CMSS1: variants seen among roughly 807,000 people sequenced by gnomAD.
CMSS1 encodes cms1 ribosomal small subunit homolog, also known as protein CMSS1.
CMSS1 carries 33 observed loss-of-function variants against 43.5 expected under a neutral mutation model. The observed-to-expected ratio is 0.76, with a 90% CI of 0.57 to 1.01. The LOEUF (loss-of-function observed/expected upper bound fraction) is 1.01, where lower values mean the gene tolerates loss of function less well. Among genes scored for constraint, CMSS1 ranks in the 50% least tolerant of loss-of-function variants. The pLI is 0.00. For synonymous variants in CMSS1, 115 were observed against 117.2 expected (o/e 0.98, Z 0.12); for missense variants, 313 against 326.4 (o/e 0.96, Z 0.32).
intron 1 of CMSS1, among the ~76,000 whole-genome samples, chr3:99,854,410 A>G (rs1322600717): frequency 6.6e-6 from 1 of 152,350 alleles, no homozygotes; most frequent in East Asian, 1.9e-4. Context: ...TCTTCAAAGT[A>G]GCATAGACCT....
chr3:100,038,257 C>G (rs1292131315), intron 1 of CMSS1, among the ~76,000 whole-genome samples: 1 of 152,094 alleles, frequency 6.6e-6, no homozygotes, highest in Non-Finnish European at 1.5e-5. Flanking sequence ...CGCCCGGCCT[C>G]TCTTTTCTTC....
chr3:100,172,832 C>T (rs1303982089), intron 8 of CMSS1, among the ~76,000 whole-genome samples: 1 of 152,188 alleles, frequency 6.6e-6, no homozygotes, highest in Non-Finnish European at 1.5e-5. Context: ...AATAGTTCTT[C>T]CCAAATGTGT....
At chr3:100,163,537 A>G (rs545977455) in intron 4 of CMSS1, among the ~76,000 whole-genome samples, 100 of 152,204 alleles carry the variant, frequency 6.6e-4, no homozygotes, top group African/African-American at 2.3e-3. Context: ...TTTTAAAAAT[A>G]TTTATTTATT....
At chr3:99,826,602 A>G (rs1007791792) in intron 1 of CMSS1, among the ~76,000 whole-genome samples, 5 of 152,316 alleles carry the variant, frequency 3.3e-5, no homozygotes, top group Admixed American at 3.3e-4. Flanking sequence ...CGCTGCCCCA[A>G]ACTCAAAGTC....
chr3:99,917,877 A>G (rs945198524), intron 1 of CMSS1, among the ~76,000 whole-genome samples: 1 of 152,230 alleles, frequency 6.6e-6, no homozygotes, highest in African/African-American at 2.4e-5. Context: ...GGTAAAAGGT[A>G]CTTGTTCATG....
chr3:99,930,580 GC>G (rs1405691350), intron 1 of CMSS1, among the ~76,000 whole-genome samples: 3 of 152,222 alleles, frequency 2.0e-5, no homozygotes, highest in Non-Finnish European at 4.4e-5. Context: ...CATCATGACA[GC>G]CCCTTTAGAT....
At chr3:99,848,890 G>C in intron 1 of CMSS1, 1 of 1,614,184 alleles carries the variant, frequency 6.2e-7, no homozygotes, top group Non-Finnish European at 8.5e-7. Context: ...ACTCGTGTAA[G>C]AGTGAGGACT....
At chr3:99,886,600 CA>C (rs369804940) in intron 1 of CMSS1, among the ~76,000 whole-genome samples, 1,869 of 150,074 alleles carry the variant, frequency 0.012, 19 homozygotes, top group Admixed American at 0.021. Context: ...AACAAAGGCC[CA>C]AAAAAAAATT....
chr3:100,036,671 A>C (rs999090400), intron 1 of CMSS1, among the ~76,000 whole-genome samples: 2 of 152,218 alleles, frequency 1.3e-5, no homozygotes, highest in African/African-American at 4.8e-5. Flanking sequence ...TGCTGAAACA[A>C]TTTTTTAAAA....
At chr3:100,075,996 A>C (rs1441853250) in intron 1 of CMSS1, among the ~76,000 whole-genome samples, 1 of 152,180 alleles carries the variant, frequency 6.6e-6, no homozygotes, top group Admixed American at 6.5e-5. Flanking sequence ...ACACAAAACT[A>C]TGTAATTTCT....
At chr3:100,070,307 A>T (rs1385779463) in intron 1 of CMSS1, among the ~76,000 whole-genome samples, 1 of 152,238 alleles carries the variant, frequency 6.6e-6, no homozygotes, top group African/African-American at 2.4e-5. Context: ...ATAATACTTG[A>T]AAGAGTGTGA....
At chr3:100,166,892 C>A (rs2067070531) in intron 5 of CMSS1, among the ~76,000 whole-genome samples, 1 of 151,910 alleles carries the variant, frequency 6.6e-6, no homozygotes, top group African/African-American at 2.4e-5. Context: ...TTGTGTGCCA[C>A]CACAAGCAGC....
At chr3:99,883,422 C>A (rs1705793556) in intron 1 of CMSS1, among the ~76,000 whole-genome samples, 1 of 152,136 alleles carries the variant, frequency 6.6e-6, no homozygotes, top group Non-Finnish European at 1.5e-5. Flanking sequence ...ACCCTGTGTC[C>A]AAAAGGTTGG....
chr3:99,916,182 G>C (rs1177647605), intron 1 of CMSS1, among the ~76,000 whole-genome samples: 2 of 152,176 alleles, frequency 1.3e-5, no homozygotes, highest in African/African-American at 2.4e-5. Flanking sequence ...TTGAGAGCCA[G>C]AATGGAACAG....
intron 1 of CMSS1, among the ~76,000 whole-genome samples, chr3:100,081,135 A>G (rs1373863346): frequency 6.6e-6 from 1 of 152,226 alleles, no homozygotes; most frequent in East Asian, 1.9e-4. Context: ...ATTTTTGAAA[A>G]GAATTGCAGA....
At chr3:100,035,549 C>T (rs1248981561) in intron 1 of CMSS1, among the ~76,000 whole-genome samples, 7 of 152,164 alleles carry the variant, frequency 4.6e-5, no homozygotes, top group African/African-American at 1.7e-4. Context: ...AGGCGTGAGA[C>T]ACTGCACACA....
At chr3:100,168,491 TGAGACCAGCCTG>T (rs1308378895) in intron 6 of CMSS1, among the ~76,000 whole-genome samples, 1 of 152,098 alleles carries the variant, frequency 6.6e-6, no homozygotes, top group Non-Finnish European at 1.5e-5. Context: ...CCCTGGAGCT[TGAGACCAGCCTG>T]GGCAACATAA....
At chr3:99,961,622 G>A (rs1039777788) in intron 1 of CMSS1, among the ~76,000 whole-genome samples, 2 of 152,070 alleles carry the variant, frequency 1.3e-5, no homozygotes, top group Non-Finnish European at 1.5e-5. Flanking sequence ...AGCTGGAAAG[G>A]CTCCTGGGAA....
At chr3:99,998,997 T>A (rs1709766265) in intron 1 of CMSS1, among the ~76,000 whole-genome samples, 1 of 152,256 alleles carries the variant, frequency 6.6e-6, no homozygotes, top group Admixed American at 6.5e-5. Flanking sequence ...TGGTTTATTC[T>A]TTAATACTTA....
Sources: gnomAD v4.1 joint callset for allele counts (sites outside exome capture counted in the v4.1 genomes callset) on GRCh38, gnomAD v4.1.1 for gene constraint, MANE v1.5 for transcripts, NCBI Gene and HGNC (gene_info 2026-07-23, HGNC 2026-07-21) for gene names.